The following SCOC variants were observed in gnomAD, a reference collection of about 807,000 sequenced individuals.
SCOC encodes short coiled coil protein.
A neutral mutation model predicts 9.9 loss-of-function variants in SCOC; 7 were observed. That is an observed-to-expected ratio of 0.71 (90% CI 0.40 to 1.33). The LOEUF is 1.33. Among genes scored for constraint, SCOC ranks in the 40% most tolerant of loss-of-function variants. SCOC has a pLI of 0.01. For missense variants in SCOC, 66 were observed against 89.7 expected, an observed-to-expected ratio of 0.74 and a Z score of 1.07; for synonymous variants, 19 against 28.2, an observed-to-expected ratio of 0.67 and a Z score of 1.03.
chr4:140,268,345 C>A (rs1365611416), intron 1 of SCOC, among the ~76,000 whole-genome samples: 1 of 152,148 alleles, frequency 6.6e-6, no homozygotes, highest in Non-Finnish European at 1.5e-5. Flanking sequence ...CGTCAAATTC[C>A]CACTAGGACA....
At chr4:140,330,167 A>G (rs980416544) in intron 1 of SCOC, among the ~76,000 whole-genome samples, 7 of 152,212 alleles carry the variant, frequency 4.6e-5, no homozygotes, top group Admixed American at 1.3e-4. Context: ...ATGGAATTGG[A>G]GAATATTATT....
intron 1 of SCOC, among the ~76,000 whole-genome samples, chr4:140,327,200 T>C (rs1358788407): frequency 1.3e-5 from 2 of 152,176 alleles, no homozygotes; most frequent in Non-Finnish European, 2.9e-5. Flanking sequence ...GCCATCACAG[T>C]GTTGCTGATG....
chr4:140,373,397 C>T (rs1333294043), upstream of SCOC: 1 of 1,464,304 alleles, frequency 6.8e-7, no homozygotes, highest in African/African-American at 1.4e-5. Context: ...AGCTTCGCTT[C>T]TTTACTGTCA....
Position 140,332,049 on chromosome 4 carries a change from T to C in SCOC, c.-18-11572T>C, listed in dbSNP as rs563472279. Reference sequence around the variant, plus strand: ...TGGGGAGGTGCCGCACACTTTAGAATGCCTAGATCTCTTGAAAACTCTTAT... The same window carrying C: ...TGGGGAGGTGCCGCACACTTTAGAACGCCTAGATCTCTTGAAAACTCTTAT... On this transcript the variant is annotated intron_variant, in intron 1 of 4. Transcript: ENST00000394205. Among the ~76,000 whole-genome samples the C allele has an allele frequency of 2.0e-3, 298 of 152,012 alleles. 1 individual carries two copies. Among genetic ancestry groups the C allele is most frequent in the Non-Finnish European group, 3.6e-3 (248 of 68,010 alleles).
chr4:140,306,969 A>G (rs561390558), intron 1 of SCOC, among the ~76,000 whole-genome samples: 2 of 152,316 alleles, frequency 1.3e-5, no homozygotes, highest in East Asian at 3.9e-4. Context: ...TCCCAAATAC[A>G]TATGTTGAAA....
At chr4:140,327,879 GTT>G (rs922608256) in intron 1 of SCOC, among the ~76,000 whole-genome samples, 1 of 149,534 alleles carries the variant, frequency 6.7e-6, no homozygotes, top group Non-Finnish European at 1.5e-5. Flanking sequence ...TGTTTGGCAT[GTT>G]TTTTTTTTCT....
chr4:140,355,000 T>C (rs910104350), intron 2 of SCOC, among the ~76,000 whole-genome samples: 1 of 151,972 alleles, frequency 6.6e-6, no homozygotes, highest in South Asian at 2.1e-4. Context: ...CACTGTCAAC[T>C]TGGTTGGACT....
upstream of SCOC, among the ~76,000 whole-genome samples, chr4:140,369,751 T>C (rs1727961063): frequency 6.6e-6 from 1 of 152,134 alleles, no homozygotes; most frequent in Non-Finnish European, 1.5e-5. Flanking sequence ...ATTATCAATA[T>C]TCACATAGTC....
intron 2 of SCOC, among the ~76,000 whole-genome samples, chr4:140,348,616 CGACA>C (rs1397253805): frequency 1.3e-5 from 2 of 151,612 alleles, no homozygotes; most frequent in African/African-American, 4.8e-5. Context: ...ATTCATCTGT[CGACA>C]GACATTTAGG....
intron 1 of SCOC, among the ~76,000 whole-genome samples, chr4:140,308,964 C>T (rs543788105): frequency 5.9e-5 from 9 of 152,258 alleles, no homozygotes; most frequent in Admixed American, 2.6e-4. Context: ...TTTTTGCTCA[C>T]GCCCAGTTAG....
chr4:140,264,718 G>A (rs773926150), intron 1 of SCOC, among the ~76,000 whole-genome samples: 4 of 152,184 alleles, frequency 2.6e-5, no homozygotes, highest in African/African-American at 4.8e-5. Flanking sequence ...CCCGATAGGT[G>A]AAAAACCTAA....
In SCOC at chr4:140,381,304, G is replaced by A. The variant is rs1728565557; in HGVS notation, c.*200G>A. 4.6e-6 allele frequency: 2 copies of A among 435,314 alleles called. No homozygotes were observed. Among genetic ancestry groups the A allele is most frequent in the South Asian group, 7.8e-5 (2 of 25,654 alleles). The allele number at this position is 435,314 out of a possible 1,614,324, so 27.0% of individuals were successfully genotyped here. On this transcript the variant is annotated 3_prime_UTR_variant, in exon 4 of 4. Transcript: ENST00000608372. ...TGTTAGTCTATGAAAACGTGCAAAT[G>A]TATTGTAGAGACTTTATGATTAGAA...
intron 1 of SCOC, among the ~76,000 whole-genome samples, chr4:140,323,754 A>T (rs1368481552): frequency 6.6e-6 from 1 of 152,212 alleles, no homozygotes; most frequent in Non-Finnish European, 1.5e-5. Context: ...ACTTCTAAAA[A>T]GGAAACTCCT....
intron 1 of SCOC, among the ~76,000 whole-genome samples, chr4:140,375,175 C>T (rs1276023178): frequency 6.6e-6 from 1 of 152,172 alleles, no homozygotes; most frequent in Non-Finnish European, 1.5e-5. Flanking sequence ...TTCAGTAAGC[C>T]ATTGTCATCT....
chr4:140,354,983 C>T (rs987583302), intron 2 of SCOC, among the ~76,000 whole-genome samples: 7 of 151,800 alleles, frequency 4.6e-5, no homozygotes, highest in Middle Eastern at 3.4e-3. Context: ...GTCTCTGTGA[C>T]GGTTAACACT....
upstream of SCOC, among the ~76,000 whole-genome samples, chr4:140,368,917 G>A (rs1471004162): frequency 6.6e-6 from 1 of 151,908 alleles, no homozygotes; most frequent in Non-Finnish European, 1.5e-5. Flanking sequence ...CTGGCAGAGT[G>A]AACTGGAGTC....
intron 2 of SCOC, among the ~76,000 whole-genome samples, chr4:140,364,245 G>A (rs1019736155): frequency 1.3e-5 from 2 of 152,010 alleles, no homozygotes; most frequent in African/African-American, 4.8e-5. Context: ...ACAACTTAGA[G>A]CAAAAGGAAG....
At chr4:140,290,883 G>A (rs1454342610) in intron 1 of SCOC, among the ~76,000 whole-genome samples, 1 of 152,182 alleles carries the variant, frequency 6.6e-6, no homozygotes, top group Non-Finnish European at 1.5e-5. Context: ...ATGGTCACTT[G>A]ATGTTCCATG....
intron 1 of SCOC, among the ~76,000 whole-genome samples, chr4:140,313,047 G>T (rs1732199858): frequency 6.6e-6 from 1 of 152,122 alleles, no homozygotes; most frequent in Non-Finnish European, 1.5e-5. Flanking sequence ...TTTAGGTTCT[G>T]TTTCTCTTTT....
Sources: gnomAD v4.1 joint callset for allele counts (sites outside exome capture counted in the v4.1 genomes callset) on GRCh38, gnomAD v4.1.1 for gene constraint, MANE v1.5 for transcripts, NCBI Gene and HGNC (gene_info 2026-07-23, HGNC 2026-07-21) for gene names.